SLC8A1: variants seen among roughly 807,000 people sequenced by gnomAD.
SLC8A1 encodes sodium/calcium exchanger 1.
In SLC8A1, 18 loss-of-function variants were observed where a neutral mutation model predicts 68.3. That is an observed-to-expected ratio of 0.26 (90% CI 0.18 to 0.39). The LOEUF is 0.39. Ranked by LOEUF, SLC8A1 falls within the 10% of genes least tolerant of loss-of-function variation. The pLI is 1.00. For synonymous variants in SLC8A1, 475 were observed against 415.5 expected (o/e 1.14, Z -1.74); for missense variants, 985 against 1,156.7 (o/e 0.85, Z 2.15).
chr2:40,320,591 T>C (rs1159518797), intron 2 of SLC8A1, among the ~76,000 whole-genome samples: 1 of 152,202 alleles, frequency 6.6e-6, no homozygotes, highest in African/African-American at 2.4e-5. Context: ...CTATATTAGG[T>C]ATCTTAAAAC....
intron 2 of SLC8A1, among the ~76,000 whole-genome samples, chr2:40,191,757 T>A (rs2051896935): frequency 6.6e-6 from 1 of 152,174 alleles, no homozygotes; most frequent in South Asian, 2.1e-4. Flanking sequence ...TAAGTAAGCT[T>A]TGAAAATTTT....
intron 7 of SLC8A1, among the ~76,000 whole-genome samples, chr2:40,126,469 A>G (rs1417451165): frequency 1.3e-5 from 2 of 152,214 alleles, no homozygotes; most frequent in Non-Finnish European, 2.9e-5. Flanking sequence ...GCAGTGGGAT[A>G]CCATCTGCTG....
At chr2:40,228,346 T>C (rs2059244361) in intron 2 of SLC8A1, among the ~76,000 whole-genome samples, 1 of 152,216 alleles carries the variant, frequency 6.6e-6, no homozygotes, top group African/African-American at 2.4e-5. Context: ...TAAAGCAGTA[T>C]AGATAGATTT....
At chr2:40,219,237 A>C (rs1044944014) in intron 2 of SLC8A1, among the ~76,000 whole-genome samples, 7 of 152,212 alleles carry the variant, frequency 4.6e-5, no homozygotes, top group Admixed American at 3.3e-4. Flanking sequence ...AACAAGGAAA[A>C]AGGAAAAGTG....
chr2:40,277,618 G>A (rs905764792), intron 2 of SLC8A1, among the ~76,000 whole-genome samples: 1 of 151,404 alleles, frequency 6.6e-6, no homozygotes, highest in African/African-American at 2.4e-5. Context: ...AAAATTAGGT[G>A]GAATAATCAC....
rs756189297 is a variant in SLC8A1 at position 40,428,495 on chromosome 2, C to T, written c.1786G>A (p.Glu596Lys). The change falls in exon 2 of 8, where the codon GAA becomes AAA. Residue 596 changes from glutamate to lysine, a missense_variant. Physicochemically the swap from Glu to Lys is moderately conservative, Grantham distance 56. Coordinates refer to ENST00000406785, the Ensembl canonical transcript of SLC8A1. ...TACACAATTTCATCATTCTGGAATTCGAGCTCTCCACAAGTGTCCTCAAAA... is the reference window on the plus strand; with the variant it reads ...TACACAATTTCATCATTCTGGAATTTGAGCTCTCCACAAGTGTCCTCAAAA... 23 of 1,596,418 alleles carry T rather than the reference C, an allele frequency of 1.4e-5. No individual in the cohort carries two copies. The East Asian group carries it at 1.8e-4, about 12-fold the overall frequency.
At chr2:40,124,228 G>A (rs148388860) in intron 7 of SLC8A1, among the ~76,000 whole-genome samples, 10 of 152,258 alleles carry the variant, frequency 6.6e-5, no homozygotes, top group African/African-American at 1.9e-4. Context: ...AGGAAACTTC[G>A]TTGTCAGCTG....
chr2:40,240,253 A>C (rs1373017196), intron 2 of SLC8A1, among the ~76,000 whole-genome samples: 1 of 152,236 alleles, frequency 6.6e-6, no homozygotes, highest in Non-Finnish European at 1.5e-5. Flanking sequence ...ACGACATGGC[A>C]GGCTCTGTGC....
intron 3 of SLC8A1, among the ~76,000 whole-genome samples, chr2:40,175,582 A>G (rs1055222788): frequency 2.6e-5 from 4 of 152,102 alleles, no homozygotes; most frequent in Non-Finnish European, 5.9e-5. Flanking sequence ...GCTAGTATAT[A>G]TGTTTATACC....
At chr2:40,413,371 G>C (rs1576281840) in intron 2 of SLC8A1, among the ~76,000 whole-genome samples, 2 of 152,080 alleles carry the variant, frequency 1.3e-5, no homozygotes, top group African/African-American at 4.8e-5. Context: ...AACAATGATA[G>C]ACTGGATTAA....
intron 2 of SLC8A1, chr2:40,190,877 C>T (rs11884732): frequency 0.12 from 17,987 of 152,118 alleles, 1,163 homozygotes; most frequent in African/African-American, 0.13. Context: ...CTTCTTCAAA[C>T]ATAGTCATGG....
At chr2:40,418,559 C>G (rs11901878) in intron 2 of SLC8A1, among the ~76,000 whole-genome samples, 69,964 of 152,108 alleles carry the variant, frequency 0.46, 17,742 homozygotes, top group African/African-American at 0.68. Flanking sequence ...TGGCTAAGTA[C>G]TTTCAATGTC....
exon 8 of SLC8A1, chr2:40,111,960 A>C (rs1468753828): frequency 6.6e-6 from 1 of 152,172 alleles, no homozygotes; most frequent in Non-Finnish European, 1.5e-5. Context: ...ACGTAAAAAA[A>C]ATCAGTGAAA....
chr2:40,510,585 T>C (rs972124604), intron 1 of SLC8A1, among the ~76,000 whole-genome samples: 12 of 152,194 alleles, frequency 7.9e-5, no homozygotes, highest in African/African-American at 1.7e-4. Context: ...GGCTGGTATA[T>C]AGTGTTTAAT....
intron 2 of SLC8A1, among the ~76,000 whole-genome samples, chr2:40,343,725 C>G (rs1473176441): frequency 6.6e-6 from 1 of 151,992 alleles, no homozygotes; most frequent in Non-Finnish European, 1.5e-5. Context: ...AAAAGATGTT[C>G]ATGACAGACT....
intron 2 of SLC8A1, among the ~76,000 whole-genome samples, chr2:40,228,839 G>A (rs1055451516): frequency 6.6e-6 from 1 of 152,192 alleles, no homozygotes; most frequent in East Asian, 1.9e-4. Context: ...GTGGAAAAAA[G>A]CTATACCTAT....
intron 2 of SLC8A1, among the ~76,000 whole-genome samples, chr2:40,300,924 T>C: frequency 6.6e-6 from 1 of 152,196 alleles, no homozygotes; most frequent in East Asian, 1.9e-4. Flanking sequence ...TAAGATGATT[T>C]ACTTGATATT....
At chr2:40,234,942 G>A (rs1260782258) in intron 2 of SLC8A1, among the ~76,000 whole-genome samples, 2 of 152,078 alleles carry the variant, frequency 1.3e-5, no homozygotes, top group Non-Finnish European at 2.9e-5. Flanking sequence ...GCATCCCAGG[G>A]ATGAAGCCCA....
At chr2:40,343,071 T>A (rs1034777337) in intron 2 of SLC8A1, among the ~76,000 whole-genome samples, 2 of 152,032 alleles carry the variant, frequency 1.3e-5, no homozygotes, top group African/African-American at 4.8e-5. Context: ...AATAAATTAT[T>A]TTTTTCTTTC....
Sources: gnomAD v4.1 joint callset for allele counts (sites outside exome capture counted in the v4.1 genomes callset) on GRCh38, gnomAD v4.1.1 for gene constraint, MANE v1.5 for transcripts, NCBI Gene and HGNC (gene_info 2026-07-23, HGNC 2026-07-21) for gene names.